Variants in KCNH7 observed in about 807,000 individuals in gnomAD.
KCNH7 encodes the protein potassium voltage-gated channel subfamily H member 7.
A neutral mutation model predicts 120.8 loss-of-function variants in KCNH7; 49 were observed. The ratio of observed to expected loss-of-function variants is 0.41; its 90% CI spans 0.32 to 0.51. The LOEUF (loss-of-function observed/expected upper bound fraction) is 0.51, where lower values mean the gene tolerates loss of function less well. KCNH7 is among the 20% of genes least tolerant of loss of function. KCNH7 has a pLI of 0.38. For missense variants in KCNH7, 1,097 were observed against 1,446.6 expected (o/e 0.76, Z 3.92); for synonymous variants, 547 against 516.1 (o/e 1.06, Z -0.81).
chr2:162,836,527 G>A lies in KCNH7; in HGVS notation c.307+10C>T, dbSNP rs766076383. On this transcript the variant is annotated intron_variant, in intron 2 of 15. Coordinates refer to ENST00000332142, the MANE Select transcript of KCNH7 (RefSeq NM_033272.4). ...TCAAATAGAAGGAATCCTAAATAGA[G>A]GAATTTTACCATTTTTGTGATAGTA... 2 of 1,604,400 alleles carry A rather than the reference G, an allele frequency of 1.2e-6. No individual in the cohort carries two copies. Among genetic ancestry groups the A allele is most frequent in the South Asian group, 2.2e-5 (2 of 90,666 alleles).
rs906576663 is a variant in KCNH7 at position 162,630,052 on chromosome 2, C to G, written c.308-92972G>C. 4.6e-5 allele frequency among the ~76,000 whole-genome samples: 7 copies of G among 152,020 alleles called. 1 individual carries two copies. Among genetic ancestry groups the G allele is most frequent in the Admixed American group, 4.6e-4 (7 of 15,238 alleles). On this transcript the variant is annotated intron_variant, in intron 2 of 15. Transcript: ENST00000332142. ...CATCCGAATATTGATCATGGAATAA[C>G]TTACCTAAATGAAATGGATATGAAG...
chr2:162,592,351 A>G (rs2105935533), intron 2 of KCNH7, among the ~76,000 whole-genome samples: 1 of 152,216 alleles, frequency 6.6e-6, no homozygotes, highest in Admixed American at 6.6e-5. Flanking sequence ...TCAGAGAGAT[A>G]TCCTTAAGTA....
chr2:162,403,814 A>G (rs1470085946), intron 9 of KCNH7, among the ~76,000 whole-genome samples: 1 of 151,978 alleles, frequency 6.6e-6, no homozygotes, highest in African/African-American at 2.4e-5. Flanking sequence ...TAATGTCCCA[A>G]ATAAGTTAGC....
chr2:162,574,564 G>A (rs1193373624), intron 2 of KCNH7, among the ~76,000 whole-genome samples: 1 of 152,104 alleles, frequency 6.6e-6, no homozygotes, highest in Non-Finnish European at 1.5e-5. Flanking sequence ...ACTGCTTAGA[G>A]CCAAGAGTTT....
intron 6 of KCNH7, among the ~76,000 whole-genome samples, chr2:162,469,264 G>C (rs548340557): frequency 6.6e-6 from 1 of 152,228 alleles, no homozygotes; most frequent in Admixed American, 6.5e-5. Context: ...CAACACATTT[G>C]AGAGCAAAAT....
chr2:162,692,531 GTC>G (rs1033651308), intron 2 of KCNH7, among the ~76,000 whole-genome samples: 5 of 152,116 alleles, frequency 3.3e-5, no homozygotes, highest in Non-Finnish European at 4.4e-5. Flanking sequence ...AATTTGAAAA[GTC>G]TGTGTGACAG....
chr2:162,670,470 CAAAAAA>C (rs61610131), intron 2 of KCNH7, among the ~76,000 whole-genome samples: 1 of 48,242 alleles, frequency 2.1e-5, no homozygotes, highest in Non-Finnish European at 3.9e-5. Flanking sequence ...CGAACTCTGT[CAAAAAA>C]AAAAAAAAAA....
intron 2 of KCNH7, among the ~76,000 whole-genome samples, chr2:162,646,750 A>G (rs758066296): frequency 6.6e-6 from 1 of 152,158 alleles, no homozygotes; most frequent in Non-Finnish European, 1.5e-5. Context: ...GCAAAAAAAG[A>G]AAAAGGGACA....
intron 6 of KCNH7, among the ~76,000 whole-genome samples, chr2:162,449,039 A>G (rs1688676263): frequency 6.6e-6 from 1 of 152,020 alleles, no homozygotes; most frequent in African/African-American, 2.4e-5. Context: ...AGGGAAGGAT[A>G]TTACAAGCAG....
chr2:162,565,396 T>C (rs182712308), intron 2 of KCNH7, among the ~76,000 whole-genome samples: 79 of 152,068 alleles, frequency 5.2e-4, no homozygotes, highest in Admixed American at 2.6e-3. Context: ...AAATTCTAAT[T>C]ATTTAGTATA....
intron 2 of KCNH7, among the ~76,000 whole-genome samples, chr2:162,754,276 G>A (rs1438107545): frequency 2.0e-5 from 3 of 152,020 alleles, no homozygotes; most frequent in Admixed American, 2.0e-4. Context: ...TACAAGAGTA[G>A]TAGAAATGAG....
chr2:162,731,228 ATATATGTG>A (rs1687717821), intron 2 of KCNH7, among the ~76,000 whole-genome samples: 1 of 137,104 alleles, frequency 7.3e-6, no homozygotes, highest in African/African-American at 3.4e-5. Flanking sequence ...ACATATATAT[ATATATGTG>A]TGTGTGTGTG....
At chr2:162,715,415 A>G (rs925100366) in intron 2 of KCNH7, among the ~76,000 whole-genome samples, 2 of 152,146 alleles carry the variant, frequency 1.3e-5, no homozygotes, top group African/African-American at 4.8e-5. Flanking sequence ...CTCCAGCATC[A>G]GATAATACAA....
chr2:162,477,683 G>A (rs1269203125), intron 6 of KCNH7, among the ~76,000 whole-genome samples: 1 of 152,094 alleles, frequency 6.6e-6, no homozygotes, highest in Non-Finnish European at 1.5e-5. Flanking sequence ...CATATTACTG[G>A]ATGAAATACT....
At chr2:162,422,251 T>C (rs1687730368) in intron 9 of KCNH7, among the ~76,000 whole-genome samples, 1 of 152,152 alleles carries the variant, frequency 6.6e-6, no homozygotes, top group Non-Finnish European at 1.5e-5. Flanking sequence ...TTGGGCAATA[T>C]TTGCAGTGCT....
chr2:162,721,103 G>A (rs1687309574), intron 2 of KCNH7, among the ~76,000 whole-genome samples: 1 of 152,142 alleles, frequency 6.6e-6, no homozygotes, highest in Non-Finnish European at 1.5e-5. Flanking sequence ...GAGATGCACA[G>A]CAGCACATCA....
chr2:162,576,265 C>T (rs1693666497), intron 2 of KCNH7, among the ~76,000 whole-genome samples: 3 of 152,002 alleles, frequency 2.0e-5, no homozygotes, highest in Admixed American at 2.0e-4. Context: ...ATTAGAAAGT[C>T]GTGATTCAAA....
chr2:162,789,083 A>G (rs774889729), intron 2 of KCNH7, among the ~76,000 whole-genome samples: 1 of 151,990 alleles, frequency 6.6e-6, no homozygotes, highest in Non-Finnish European at 1.5e-5. Flanking sequence ...ACTTTCCCAA[A>G]CAAAGACTGA....
At chr2:162,498,828 T>C (rs2105738695) in intron 6 of KCNH7, among the ~76,000 whole-genome samples, 1 of 152,160 alleles carries the variant, frequency 6.6e-6, no homozygotes, top group Middle Eastern at 3.4e-3. Context: ...GGGAGTGCAG[T>C]CAACACAGAA....
Sources: gnomAD v4.1 joint callset for allele counts (sites outside exome capture counted in the v4.1 genomes callset) on GRCh38, gnomAD v4.1.1 for gene constraint, MANE v1.5 for transcripts, NCBI Gene and HGNC (gene_info 2026-07-23, HGNC 2026-07-21) for gene names.